Variants in ST6GAL1 observed in about 807,000 individuals in gnomAD.
ST6GAL1 encodes the protein ST6 beta-galactoside alpha-2,6-sialyltransferase 1.
ST6GAL1 carries 20 observed loss-of-function variants against 38.0 expected under a neutral mutation model. That is an observed-to-expected ratio of 0.53 (90% CI 0.37 to 0.77). ST6GAL1 has a LOEUF of 0.77. Ranked by LOEUF, ST6GAL1 falls within the 30% of genes least tolerant of loss-of-function variation. The pLI is 0.00. For synonymous variants in ST6GAL1, 196 were observed against 188.2 expected, an observed-to-expected ratio of 1.04 and a Z score of -0.34; for missense variants, 432 against 496.4, an observed-to-expected ratio of 0.87 and a Z score of 1.23.
In ST6GAL1 at chr3:187,077,677, T is replaced by A. The variant is rs1229136967; in HGVS notation, c.*1874T>A. ...GAGGATTACAGGAAAGCACCTGTCC[T>A]GGCTCTGTACCTGGCACGTAGTAGG... On this transcript the variant is annotated 3_prime_UTR_variant, in exon 8 of 8. Transcript: ENST00000169298. The A allele has an allele frequency of 6.6e-6, 1 of 152,376 alleles. No individual in the cohort carries two copies. The highest frequency in any genetic ancestry group is 2.4e-5 in the African/African-American group (1 of 41,468). 9.4% of individuals were successfully genotyped at this position (152,376 alleles called of 1,614,324 possible). A position where few individuals can be genotyped will look rare whatever the true frequency, so the allele number is the denominator to read the frequency against.
chr3:187,020,439 G>A (rs1717258591), intron 2 of ST6GAL1, among the ~76,000 whole-genome samples: 2 of 152,172 alleles, frequency 1.3e-5, no homozygotes, highest in Non-Finnish European at 2.9e-5. Flanking sequence ...ACAGGGTGGT[G>A]GTAAGAATTA....
At chr3:187,060,241 A>G (rs1381113649) in intron 5 of ST6GAL1, among the ~76,000 whole-genome samples, 1 of 152,132 alleles carries the variant, frequency 6.6e-6, no homozygotes, top group Admixed American at 6.5e-5. Context: ...GCTCACTGCA[A>G]ACACCACCTC....
At chr3:186,999,858 T>G (rs543000299) in intron 2 of ST6GAL1, among the ~76,000 whole-genome samples, 227 of 152,188 alleles carry the variant, frequency 1.5e-3, no homozygotes, top group African/African-American at 5.3e-3. Flanking sequence ...TATTTATATT[T>G]TTTTTAGAGA....
intron 2 of ST6GAL1, among the ~76,000 whole-genome samples, chr3:186,973,380 A>G (rs955362354): frequency 2.6e-5 from 4 of 152,278 alleles, no homozygotes; most frequent in African/African-American, 9.6e-5. Context: ...GCTGGCTCAC[A>G]TATACTGCAG....
At chr3:186,972,775 T>C (rs1173224934) in intron 2 of ST6GAL1, among the ~76,000 whole-genome samples, 3 of 152,176 alleles carry the variant, frequency 2.0e-5, no homozygotes, top group African/African-American at 7.2e-5. Context: ...GATTTCAGTG[T>C]AGCACTGCCC....
chr3:186,989,759 C>A (rs1716089068), intron 2 of ST6GAL1, among the ~76,000 whole-genome samples: 1 of 152,164 alleles, frequency 6.6e-6, no homozygotes, highest in Non-Finnish European at 1.5e-5. Context: ...AAGGTGCCCA[C>A]CAGGTAGCAT....
intron 2 of ST6GAL1, among the ~76,000 whole-genome samples, chr3:187,022,215 G>C (rs1717340178): frequency 6.6e-6 from 1 of 152,134 alleles, no homozygotes; most frequent in Non-Finnish European, 1.5e-5. Flanking sequence ...AACTGAATTA[G>C]AGGACACCAA....
intron 5 of ST6GAL1, among the ~76,000 whole-genome samples, chr3:187,055,280 AAG>A (rs1718658164): frequency 6.7e-6 from 1 of 149,130 alleles, no homozygotes; most frequent in Non-Finnish European, 1.5e-5. Flanking sequence ...GATTTTTTTG[AAG>A]AGTTTTTTGT....
chr3:187,047,889 G>T (rs1181042690), intron 4 of ST6GAL1, among the ~76,000 whole-genome samples: 1 of 151,678 alleles, frequency 6.6e-6, no homozygotes, highest in Non-Finnish European at 1.5e-5. Flanking sequence ...TGGGTAATTA[G>T]AATATCCATC....
chr3:187,031,407 T>C (rs1158018719), intron 2 of ST6GAL1, among the ~76,000 whole-genome samples: 1 of 152,110 alleles, frequency 6.6e-6, no homozygotes, highest in Non-Finnish European at 1.5e-5. Context: ...GAGGAAGGGA[T>C]GGTGACTGTT....
At chr3:186,986,084 C>G (rs555197104) in intron 2 of ST6GAL1, among the ~76,000 whole-genome samples, 2 of 152,138 alleles carry the variant, frequency 1.3e-5, no homozygotes, top group Non-Finnish European at 2.9e-5. Flanking sequence ...ATTTGAGGAA[C>G]CAGTAGAAAG....
intron 1 of ST6GAL1, 171 bp downstream of exon 1, chr3:186,931,005 T>A (rs1713724874): frequency 6.6e-6 from 1 of 152,574 alleles, no homozygotes; most frequent in Admixed American, 6.5e-5. Context: ...CTGGCCGCCT[T>A]TTGGTTGGGG....
rs558202634 is a variant in ST6GAL1, at chr3:186,992,164, G to A, written c.-183+28238G>A. Among the ~76,000 whole-genome samples the A allele has an allele frequency of 2.6e-5, 4 of 152,272 alleles. No individual in the cohort carries two copies. In the East Asian group the frequency reaches 7.7e-4, roughly 29 times the overall value. The stretch of plus-strand genomic sequence containing the variant: ...CCCACCCAGAATCTCATCTTGAATT[G>A]TAATCCCCATATGTCAAGGGAGAGA... On this transcript the variant is annotated intron_variant, in intron 2 of 7. Transcript: ENST00000169298.
At chr3:187,010,073 A>AAGG (rs1231374114) in intron 2 of ST6GAL1, among the ~76,000 whole-genome samples, 3 of 152,260 alleles carry the variant, frequency 2.0e-5, no homozygotes, top group Admixed American at 2.0e-4. Flanking sequence ...TCTTTAAAGG[A>AAGG]AGAGGACAAG....
intron 1 of ST6GAL1, among the ~76,000 whole-genome samples, chr3:186,956,442 C>T (rs980563697): frequency 2.0e-5 from 3 of 152,020 alleles, no homozygotes; most frequent in Admixed American, 6.6e-5. Flanking sequence ...TTTTAAGACC[C>T]GATTAAGATC....
At chr3:187,050,396 CT>C (rs1718466377) in intron 4 of ST6GAL1, among the ~76,000 whole-genome samples, 1 of 152,170 alleles carries the variant, frequency 6.6e-6, no homozygotes, top group South Asian at 2.1e-4. Context: ...GGTAGAGAAA[CT>C]TTTCCAAGTC....
intron 2 of ST6GAL1, among the ~76,000 whole-genome samples, chr3:187,003,806 C>T (rs1176260984): frequency 6.6e-6 from 1 of 152,184 alleles, no homozygotes. Context: ...TAAAATATTC[C>T]TTACATCCCT....
intron 2 of ST6GAL1, among the ~76,000 whole-genome samples, chr3:187,010,476 T>A (rs1289089086): frequency 6.6e-6 from 1 of 152,196 alleles, no homozygotes; most frequent in Non-Finnish European, 1.5e-5. Flanking sequence ...ATTTATTTAT[T>A]TTTTGAGATG....
chr3:187,013,362 G>C (rs1000091986), intron 2 of ST6GAL1, among the ~76,000 whole-genome samples: 1 of 152,150 alleles, frequency 6.6e-6, no homozygotes, highest in Non-Finnish European at 1.5e-5. Context: ...TGAGGAAACA[G>C]AGACTCAGAG....
Sources: gnomAD v4.1 joint callset for allele counts (sites outside exome capture counted in the v4.1 genomes callset) on GRCh38, gnomAD v4.1.1 for gene constraint, MANE v1.5 for transcripts, NCBI Gene and HGNC (gene_info 2026-07-23, HGNC 2026-07-21) for gene names.